Variants in CDH12 observed in about 807,000 individuals in gnomAD.
CDH12 encodes the protein cadherin 12.
A neutral mutation model predicts 74.1 loss-of-function variants in CDH12; 41 were observed. The observed-to-expected ratio is 0.55, with a 90% CI of 0.43 to 0.72. CDH12 has a LOEUF of 0.72. Among genes scored for constraint, CDH12 ranks in the 30% least tolerant of loss-of-function variants. CDH12 has a pLI of 0.00. For synonymous variants in CDH12, 399 were observed against 355.0 expected, an observed-to-expected ratio of 1.12 and a Z score of -1.39; for missense variants, 945 against 977.2, an observed-to-expected ratio of 0.97 and a Z score of 0.44.
chr5:22,778,489 A>T (rs1157316361), intron 1 of CDH12, among the ~76,000 whole-genome samples: 1 of 152,166 alleles, frequency 6.6e-6, no homozygotes, highest in South Asian at 2.1e-4. Flanking sequence ...TTCCAACTCT[A>T]TGAAAAGGGG....
At chr5:22,270,965 G>A (rs1374792420) in intron 3 of CDH12, among the ~76,000 whole-genome samples, 1 of 152,112 alleles carries the variant, frequency 6.6e-6, no homozygotes, top group East Asian at 1.9e-4. Context: ...GAGCCACCAC[G>A]CCCGGCCCTT....
At chr5:21,891,098 C>T (rs991181195) in intron 6 of CDH12, among the ~76,000 whole-genome samples, 3 of 152,040 alleles carry the variant, frequency 2.0e-5, no homozygotes, top group African/African-American at 7.2e-5. Context: ...GAATGACCCA[C>T]CAGATCTATC....
intron 1 of CDH12, among the ~76,000 whole-genome samples, chr5:22,679,582 C>T (rs909022922): frequency 6.6e-6 from 1 of 152,038 alleles, no homozygotes; most frequent in Non-Finnish European, 1.5e-5. Flanking sequence ...GTCCTATTGG[C>T]AGAGGACAGA....
intron 1 of CDH12, among the ~76,000 whole-genome samples, chr5:22,746,881 C>A (rs547069664): frequency 2.0e-5 from 3 of 152,216 alleles, no homozygotes; most frequent in Middle Eastern, 6.8e-3. Context: ...AGTATATAAT[C>A]ATTATGTGGT....
chr5:22,621,860 C>T (rs1254784508), intron 1 of CDH12, among the ~76,000 whole-genome samples: 1 of 152,000 alleles, frequency 6.6e-6, no homozygotes, highest in African/African-American at 2.4e-5. Context: ...GTGCCACCCC[C>T]ACTGTAAAAA....
chr5:22,365,830 T>G (rs1051898182), intron 3 of CDH12, among the ~76,000 whole-genome samples: 1 of 152,186 alleles, frequency 6.6e-6, no homozygotes, highest in Non-Finnish European at 1.5e-5. Flanking sequence ...TATTCTAAAC[T>G]ATTGTATTAA....
chr5:21,905,496 TCTGCC>T, intron 6 of CDH12, among the ~76,000 whole-genome samples: 1 of 152,306 alleles, frequency 6.6e-6, no homozygotes, highest in Middle Eastern at 3.4e-3. Context: ...TGAAAGCACA[TCTGCC>T]CTATAATTTT....
intron 3 of CDH12, among the ~76,000 whole-genome samples, chr5:22,314,346 T>C (rs1222923497): frequency 2.0e-5 from 3 of 152,130 alleles, no homozygotes; most frequent in African/African-American, 7.2e-5. Context: ...AAGAGGTAAT[T>C]CAGTTAAAAA....
At chr5:21,827,898 A>G (rs1057417328) in intron 8 of CDH12, among the ~76,000 whole-genome samples, 5 of 152,170 alleles carry the variant, frequency 3.3e-5, no homozygotes, top group Admixed American at 6.6e-5. Flanking sequence ...TATTTCATGA[A>G]GTACATTTAA....
intron 1 of CDH12, among the ~76,000 whole-genome samples, chr5:22,750,856 T>C (rs1008570595): frequency 1.3e-5 from 2 of 150,288 alleles, no homozygotes; most frequent in Middle Eastern, 7.0e-3. Flanking sequence ...AGGTCCCAAC[T>C]CAACATACAC....
At chr5:22,677,959 G>A (rs933735203) in intron 1 of CDH12, among the ~76,000 whole-genome samples, 5 of 147,212 alleles carry the variant, frequency 3.4e-5, no homozygotes, top group Admixed American at 2.8e-4. Flanking sequence ...CTTTTTATAA[G>A]AACAATAATC....
intron 1 of CDH12, among the ~76,000 whole-genome samples, chr5:22,792,136 T>C (rs897430963): frequency 1.3e-5 from 2 of 149,232 alleles, no homozygotes; most frequent in Non-Finnish European, 3.0e-5. Context: ...TCACCTGGGC[T>C]GGAGTGCAGT....
chr5:22,827,458 C>T (rs923589768), intron 1 of CDH12, among the ~76,000 whole-genome samples: 2 of 152,104 alleles, frequency 1.3e-5, no homozygotes, highest in Non-Finnish European at 1.5e-5. Context: ...CATGGAGAAC[C>T]TCTGCTAGGG....
rs182755541 is a variant in CDH12 at position 22,714,980 on chromosome 5, G to C, written c.-523+138078C>G. On this transcript the variant is annotated intron_variant, in intron 1 of 14. Coordinates refer to ENST00000382254, the MANE Select transcript of CDH12 (RefSeq NM_004061.5). The stretch of plus-strand genomic sequence containing the variant: ...GGCTGGAATACTGGTGCATCTCTCA[G>C]AACGTCTTTCCCAGGCATAAGAGAA... Among the ~76,000 whole-genome samples, 4 of 152,266 alleles carry C rather than the reference G, an allele frequency of 2.6e-5. No homozygotes were observed. The East Asian group carries it at 7.7e-4, about 29-fold the overall frequency.
intron 6 of CDH12, among the ~76,000 whole-genome samples, chr5:21,893,518 G>A (rs923203458): frequency 6.6e-6 from 1 of 152,176 alleles, no homozygotes; most frequent in African/African-American, 2.4e-5. Flanking sequence ...ATTGTCACCA[G>A]TAATATTTAA....
intron 1 of CDH12, among the ~76,000 whole-genome samples, chr5:22,522,872 C>T (rs984378453): frequency 1.3e-5 from 2 of 152,126 alleles, no homozygotes; most frequent in African/African-American, 4.8e-5. Context: ...TGATCTCACT[C>T]CCCTAATTCC....
At chr5:21,899,310 G>C (rs1443921840) in intron 6 of CDH12, among the ~76,000 whole-genome samples, 2 of 151,490 alleles carry the variant, frequency 1.3e-5, no homozygotes, top group Non-Finnish European at 1.5e-5. Context: ...TTGAAGGCAA[G>C]GGCAGTCTGA....
intron 2 of CDH12, among the ~76,000 whole-genome samples, chr5:22,411,507 A>G (rs1248296901): frequency 6.6e-6 from 1 of 152,060 alleles, no homozygotes; most frequent in Non-Finnish European, 1.5e-5. Context: ...ATAAACCTTC[A>G]TAAAGATATT....
At chr5:22,477,690 T>C (rs939939444) in intron 2 of CDH12, among the ~76,000 whole-genome samples, 1 of 152,124 alleles carries the variant, frequency 6.6e-6, no homozygotes, top group African/African-American at 2.4e-5. Flanking sequence ...CTACTCTTCA[T>C]ACAGTTAATA....
Sources: allele counts gnomAD v4.1 joint callset (sites outside exome capture counted in the v4.1 genomes callset), GRCh38; gene constraint gnomAD v4.1.1; transcripts MANE v1.5; gene names NCBI Gene and HGNC (gene_info 2026-07-23, HGNC 2026-07-21).